The following TP63 variants were observed in gnomAD, a reference collection of about 807,000 sequenced individuals.
TP63 encodes tumor protein 63.
In TP63, 17 loss-of-function variants were observed where a neutral mutation model predicts 82.8. The observed-to-expected ratio is 0.21, with a 90% CI of 0.14 to 0.31. The LOEUF is 0.31. Ranked by LOEUF, TP63 falls within the 10% of genes least tolerant of loss-of-function variation. The probability of loss-of-function intolerance (pLI) is 1.00; values close to 1 mark genes in which losing one functional copy is unlikely to be tolerated. For missense variants in TP63, 648 were observed against 895.3 expected (o/e 0.72, Z 3.52); for synonymous variants, 330 against 321.7 (o/e 1.03, Z -0.28).
rs1347565351 is a variant in TP63 at position 189,896,299 on chromosome 3, TTC to T, written c.*1799_*1800del. Reference sequence around the variant, plus strand: ...TTGTATTTTGATTATTTTTTTTTTCTTCTTGGGATAGTGGGATTTCCAGAACC... The same window carrying T: ...TTGTATTTTGATTATTTTTTTTTTCTTTGGGATAGTGGGATTTCCAGAACC... On this transcript the variant is annotated 3_prime_UTR_variant, in exon 14 of 14. Transcript: ENST00000264731. 4.7e-6 allele frequency: 1 copy of T among 214,752 alleles called. No homozygotes were observed. The highest frequency in any genetic ancestry group is 1.9e-4 in the South Asian group (1 of 5,352). 13.3% of individuals were successfully genotyped at this position (214,752 alleles called of 1,614,324 possible).
intron 4 of TP63, among the ~76,000 whole-genome samples, chr3:189,842,019 A>G (rs1010477274): frequency 6.6e-6 from 1 of 152,202 alleles, no homozygotes; most frequent in African/African-American, 2.4e-5. Flanking sequence ...AGGGAAAACC[A>G]GTTTGGGCCC....
intron 11 of TP63, among the ~76,000 whole-genome samples, chr3:189,888,075 C>G (rs533969389): frequency 3.9e-5 from 6 of 152,130 alleles, no homozygotes; most frequent in Non-Finnish European, 8.8e-5. Flanking sequence ...CCAGACTGGT[C>G]GCGAACTCCT....
intron 4 of TP63, among the ~76,000 whole-genome samples, chr3:189,862,398 T>C (rs1478666304): frequency 6.6e-6 from 1 of 152,146 alleles, no homozygotes; most frequent in Admixed American, 6.6e-5. Context: ...GATCCTTAAT[T>C]TTATTCTTAA....
At chr3:189,792,103 T>TA (rs1436817011) in intron 3 of TP63, among the ~76,000 whole-genome samples, 1 of 152,112 alleles carries the variant, frequency 6.6e-6, no homozygotes, top group East Asian at 1.9e-4. Context: ...AAAAACTATA[T>TA]AAGAACACTG....
At chr3:189,777,343 C>T (rs930297694) in intron 3 of TP63, among the ~76,000 whole-genome samples, 2 of 151,792 alleles carry the variant, frequency 1.3e-5, no homozygotes, top group Non-Finnish European at 2.9e-5. Context: ...ATTACAGGCA[C>T]CCGCCACCAT....
intron 4 of TP63, chr3:189,844,196 G>A (rs1010833335): frequency 1.7e-4 from 64 of 370,094 alleles, no homozygotes; most frequent in Non-Finnish European, 3.4e-4. Flanking sequence ...CTTTGAGACA[G>A]AGTCTCGCCT....
chr3:189,825,729 C>T (rs1413999239), intron 4 of TP63, among the ~76,000 whole-genome samples: 5 of 152,174 alleles, frequency 3.3e-5, no homozygotes, highest in African/African-American at 1.2e-4. Context: ...TGGAAGCCTT[C>T]TCTTTTGTTT....
intron 1 of TP63, among the ~76,000 whole-genome samples, chr3:189,673,473 A>G (rs1221443529): frequency 6.6e-6 from 1 of 152,132 alleles, no homozygotes; most frequent in Non-Finnish European, 1.5e-5. Context: ...AAACTGTAAA[A>G]ATTACAAAAA....
At chr3:189,727,590 T>G (rs984916317) in intron 1 of TP63, among the ~76,000 whole-genome samples, 1 of 152,196 alleles carries the variant, frequency 6.6e-6, no homozygotes, top group African/African-American at 2.4e-5. Flanking sequence ...TTTTCTTTTC[T>G]TTTTTGTCTA....
the TP63 span, among the ~76,000 whole-genome samples, chr3:189,599,591 G>A: frequency 2.0e-5 from 3 of 152,168 alleles, no homozygotes; most frequent in Non-Finnish European, 4.4e-5. Flanking sequence ...CAGTGACGGC[G>A]ATCATGGCAG....
At chr3:189,666,680 G>A (rs1560095712) in intron 1 of TP63, among the ~76,000 whole-genome samples, 1 of 152,104 alleles carries the variant, frequency 6.6e-6, no homozygotes, top group Non-Finnish European at 1.5e-5. Flanking sequence ...GATTTACCTT[G>A]TGAGGTGTCA....
At position 189,789,669 on chromosome 3, in the gene TP63, AAGAG is replaced by A. The variant is rs758281232; in HGVS notation, c.325-18596_325-18593del. On this transcript the variant is annotated intron_variant, in intron 3 of 13. Coordinates refer to ENST00000264731, the MANE Select transcript of TP63 (RefSeq NM_003722.5). ...ACCTTAAATTATGTACAGAGAGAGAAAGAGAGAGAGGGACTTGAGTTCTGTTATC... is the reference window on the plus strand; with the variant it reads ...ACCTTAAATTATGTACAGAGAGAGAAAGAGAGGGACTTGAGTTCTGTTATC... 3.3e-4 allele frequency: 474 copies of A among 1,454,696 alleles called. 3 individuals carry two copies. Among genetic ancestry groups the A allele is most frequent in the Middle Eastern group, 3.1e-3 (17 of 5,568 alleles). 90.1% of individuals were successfully genotyped at this position (1,454,696 alleles called of 1,614,324 possible).
intron 1 of TP63, among the ~76,000 whole-genome samples, chr3:189,632,760 C>G (rs1399509589): frequency 1.3e-5 from 2 of 152,028 alleles, no homozygotes; most frequent in Non-Finnish European, 2.9e-5. Context: ...AAATAAATGG[C>G]TCTAGGATTT....
At chr3:189,840,359 CTTTTTTT>C in intron 4 of TP63, among the ~76,000 whole-genome samples, 16 of 44,448 alleles carry the variant, frequency 3.6e-4, no homozygotes, top group African/African-American at 1.6e-3. Context: ...TGCTTTTCGT[CTTTTTTT>C]TTTTTTTTTT....
chr3:189,884,996 G>A (rs1272861083), intron 10 of TP63, among the ~76,000 whole-genome samples: 2 of 152,074 alleles, frequency 1.3e-5, no homozygotes, highest in African/African-American at 4.8e-5. Flanking sequence ...ATGCCATATA[G>A]GCTTGGAACC....
In TP63 at chr3:189,682,551, AAAATATATATATATATATATAT is replaced by A. The variant is rs1344706068; in HGVS notation, c.62+50976_62+50997del. 5.8e-3 allele frequency among the ~76,000 whole-genome samples: 180 copies of A among 30,854 alleles called. 3 individuals carry two copies. Among genetic ancestry groups the A allele is most frequent in the Admixed American group, 0.017 (48 of 2,848 alleles). The allele number at this position is 30,854 out of a possible 152,430, so 20.2% of individuals were successfully genotyped here. On this transcript the variant is annotated intron_variant, in intron 1 of 13. Transcript: ENST00000264731. ...GTCCTAAGGGGAAAAAAAAAAAAAA[AAAATATATATATATATATATAT>A]ATATATATATATATATATATATCCT...
chr3:189,697,126 A>G (rs1028325607), intron 1 of TP63, among the ~76,000 whole-genome samples: 3 of 151,606 alleles, frequency 2.0e-5, no homozygotes, highest in African/African-American at 4.8e-5. Flanking sequence ...GATTTTTCCC[A>G]TATTTTCTTC....
At chr3:189,634,476 TG>T (rs1157267711) in intron 1 of TP63, among the ~76,000 whole-genome samples, 3 of 11,540 alleles carry the variant, frequency 2.6e-4, no homozygotes, top group African/African-American at 2.8e-4. Context: ...CTTCATCCTC[TG>T]TTTTTTTTCC....
intron 1 of TP63, among the ~76,000 whole-genome samples, chr3:189,674,843 A>T (rs1271449916): frequency 1.3e-5 from 2 of 152,182 alleles, no homozygotes; most frequent in East Asian, 1.9e-4. Context: ...AGCTAAGGTG[A>T]TAATGATATT....
Sources: gnomAD v4.1 joint callset for allele counts (sites outside exome capture counted in the v4.1 genomes callset) on GRCh38, gnomAD v4.1.1 for gene constraint, MANE v1.5 for transcripts, NCBI Gene and HGNC (gene_info 2026-07-23, HGNC 2026-07-21) for gene names.